The following CALCR variants were observed in gnomAD, a reference collection of about 807,000 sequenced individuals.
CALCR encodes the protein calcitonin receptor.
CALCR carries 47 observed loss-of-function variants against 59.5 expected under a neutral mutation model. That is an observed-to-expected ratio of 0.79 (90% CI 0.63 to 1.01). The LOEUF (loss-of-function observed/expected upper bound fraction) is 1.01. CALCR is among the 50% of genes least tolerant of loss of function. The pLI is 0.00. For synonymous variants in CALCR, 213 were observed against 211.3 expected, an observed-to-expected ratio of 1.01 and a Z score of -0.07; for missense variants, 566 against 597.1, an observed-to-expected ratio of 0.95 and a Z score of 0.54.
At chr7:93,467,114 G>C (rs866726126) in intron 7 of CALCR, among the ~76,000 whole-genome samples, 45 of 151,702 alleles carry the variant, frequency 3.0e-4, no homozygotes, top group African/African-American at 1.1e-3. Context: ...AATAAAAGTT[G>C]TTTGAGAACC....
chr7:93,547,869 A>T (rs573839320), intron 2 of CALCR, among the ~76,000 whole-genome samples: 1 of 152,200 alleles, frequency 6.6e-6, no homozygotes, highest in East Asian at 1.9e-4. Context: ...TACGGGGGGT[A>T]GTTTGCCCCT....
intron 9 of CALCR, among the ~76,000 whole-genome samples, chr7:93,440,255 C>T (rs1799871915): frequency 6.6e-6 from 1 of 152,052 alleles, no homozygotes. Flanking sequence ...ACCTATCATA[C>T]TGTCTTCATG....
intron 2 of CALCR, among the ~76,000 whole-genome samples, chr7:93,499,654 T>C (rs1022459978): frequency 2.6e-5 from 4 of 151,782 alleles, no homozygotes; most frequent in Non-Finnish European, 4.4e-5. Flanking sequence ...GCCATGCTTG[T>C]TTGGCTAAGT....
chr7:93,543,088 A>G (rs1435126874), intron 2 of CALCR, among the ~76,000 whole-genome samples: 1 of 152,164 alleles, frequency 6.6e-6, no homozygotes, highest in Non-Finnish European at 1.5e-5. Flanking sequence ...ATAATTGTAT[A>G]TGCCACATTT....
intron 3 of CALCR, among the ~76,000 whole-genome samples, chr7:93,483,515 A>ATT (rs1029472370): frequency 9.3e-6 from 1 of 107,418 alleles, no homozygotes; most frequent in Non-Finnish European, 1.9e-5. Context: ...TTTTATGTAT[A>ATT]TTATATATAT....
At chr7:93,547,285 G>C (rs1405533871) in intron 2 of CALCR, among the ~76,000 whole-genome samples, 2 of 152,156 alleles carry the variant, frequency 1.3e-5, no homozygotes, top group African/African-American at 4.8e-5. Flanking sequence ...TAATGCTATA[G>C]ATAGCACTGC....
At chr7:93,565,724 C>A (rs1346088378) in intron 2 of CALCR, among the ~76,000 whole-genome samples, 1 of 152,120 alleles carries the variant, frequency 6.6e-6, no homozygotes, top group Non-Finnish European at 1.5e-5. Flanking sequence ...GTAGAAGGCC[C>A]AGTGAAGAAG....
intron 2 of CALCR, among the ~76,000 whole-genome samples, chr7:93,508,798 TG>T (rs1801482557): frequency 6.6e-6 from 1 of 152,114 alleles, no homozygotes; most frequent in African/African-American, 2.4e-5. Context: ...GATGAGGAAG[TG>T]GGAGATTTGG....
intron 2 of CALCR, among the ~76,000 whole-genome samples, chr7:93,524,914 C>A (rs1298545429): frequency 6.6e-6 from 1 of 152,090 alleles, no homozygotes; most frequent in Non-Finnish European, 1.5e-5. Context: ...CTCTAAGCAT[C>A]AGTATCTTCA....
intron 2 of CALCR, among the ~76,000 whole-genome samples, chr7:93,488,834 T>C (rs921648622): frequency 1.3e-5 from 2 of 151,848 alleles, no homozygotes; most frequent in Non-Finnish European, 2.9e-5. Context: ...AACATTCTAC[T>C]ACCAATATTA....
At chr7:93,447,293 G>C (rs1473868787) in intron 8 of CALCR, among the ~76,000 whole-genome samples, 1 of 151,988 alleles carries the variant, frequency 6.6e-6, no homozygotes, top group East Asian at 1.9e-4. Context: ...ATAGAAGATA[G>C]ATGTTCAGTA....
At position 93,503,672 on chromosome 7, in the gene CALCR, C is replaced by G. The variant is rs565040439; in HGVS notation, c.-26-16665G>C. Among the ~76,000 whole-genome samples the G allele has an allele frequency of 3.9e-4, 59 of 152,106 alleles. No homozygotes were observed. The South Asian group carries it at 0.012, about 31-fold the overall frequency. On this transcript the variant is annotated intron_variant, in intron 2 of 13. Transcript: ENST00000426151. ...TGCACTGTTGCTGATAGGAATGTTC[C>G]CTATGGCGTAGCTTTGGAGTACAGA...
At chr7:93,498,968 G>A (rs866461192) in intron 2 of CALCR, among the ~76,000 whole-genome samples, 47 of 151,680 alleles carry the variant, frequency 3.1e-4, no homozygotes, top group African/African-American at 1.1e-3. Context: ...AGGAATAAGA[G>A]ATCCATATTG....
chr7:93,497,989 C>A (rs1034051296), intron 2 of CALCR, among the ~76,000 whole-genome samples: 18 of 151,504 alleles, frequency 1.2e-4, no homozygotes, highest in Non-Finnish European at 1.5e-4. Context: ...GCTAGCCTAA[C>A]CCTGGTGGAA....
intron 2 of CALCR, among the ~76,000 whole-genome samples, chr7:93,495,538 T>G (rs988138496): frequency 6.6e-6 from 1 of 151,392 alleles, no homozygotes; most frequent in Admixed American, 6.6e-5. Flanking sequence ...TTTCTGCTTC[T>G]CCCTTTATTA....
chr7:93,571,862 T>C (rs1790012575), intron 2 of CALCR, among the ~76,000 whole-genome samples: 2 of 152,204 alleles, frequency 1.3e-5, no homozygotes, highest in African/African-American at 4.8e-5. Flanking sequence ...TAGATTATCA[T>C]TGGCACCGGG....
chr7:93,530,511 A>G (rs901430451), intron 2 of CALCR, among the ~76,000 whole-genome samples: 1 of 152,168 alleles, frequency 6.6e-6, no homozygotes, highest in Admixed American at 6.6e-5. Context: ...TTACATAAAA[A>G]TAATCTCAAA....
At chr7:93,572,655 A>G (rs1790034270) in intron 2 of CALCR, among the ~76,000 whole-genome samples, 2 of 152,124 alleles carry the variant, frequency 1.3e-5, no homozygotes, top group Admixed American at 1.3e-4. Context: ...TGGCACAACT[A>G]AACTAATAGT....
chr7:93,516,138 T>A (rs1801645926), intron 2 of CALCR, among the ~76,000 whole-genome samples: 1 of 151,872 alleles, frequency 6.6e-6, no homozygotes, highest in Non-Finnish European at 1.5e-5. Context: ...AAAATTTTCC[T>A]CAAAAAATGT....
Sources: gnomAD v4.1 joint callset for allele counts (sites outside exome capture counted in the v4.1 genomes callset) on GRCh38, gnomAD v4.1.1 for gene constraint, MANE v1.5 for transcripts, NCBI Gene and HGNC (gene_info 2026-07-23, HGNC 2026-07-21) for gene names.